Variants in PAK6 observed in about 807,000 individuals in gnomAD.
PAK6 encodes the protein serine/threonine-protein kinase PAK 6.
In PAK6, 33 loss-of-function variants were observed where a neutral mutation model predicts 60.8. That is an observed-to-expected ratio of 0.54 (90% CI 0.41 to 0.73). The LOEUF is 0.73. Ranked by LOEUF, PAK6 falls within the 30% of genes least tolerant of loss-of-function variation. PAK6 has a pLI of 0.00. For missense variants in PAK6, 845 were observed against 904.1 expected, an observed-to-expected ratio of 0.93 and a Z score of 0.84; for synonymous variants, 404 against 378.5, an observed-to-expected ratio of 1.07 and a Z score of -0.78.
chr15:40,261,168 G>A lies in PAK6; in HGVS notation c.-5-3613G>A, dbSNP rs573478393. 1.8e-4 allele frequency among the ~76,000 whole-genome samples: 28 copies of A among 151,898 alleles called. No homozygotes were observed. The South Asian group carries it at 3.7e-3, about 20-fold the overall frequency. On this transcript the variant is annotated intron_variant, in intron 3 of 10. Transcript: ENST00000560346. ...CTCCCAAAGTGCTGGGATTACAGGC[G>A]TGAGCCACCGCGCCTGGCCCTTTTT...
intron 5 of PAK6, among the ~76,000 whole-genome samples, chr15:40,267,826 T>C (rs953979441): frequency 1.4e-4 from 22 of 152,148 alleles, no homozygotes; most frequent in African/African-American, 5.3e-4. Context: ...CTGGGGAGAC[T>C]CAGCCAGAAA....
exon 11 of PAK6, chr15:40,276,758 G>A (rs1318957309): frequency 1.2e-5 from 1 of 82,380 alleles, no homozygotes; most frequent in East Asian, 7.2e-4. Flanking sequence ...TCGTGTGTGT[G>A]TGTGTGTGTG....
At chr15:40,249,559 A>T (rs2038602938) in intron 2 of PAK6, among the ~76,000 whole-genome samples, 1 of 152,234 alleles carries the variant, frequency 6.6e-6, no homozygotes, top group South Asian at 2.1e-4. Flanking sequence ...GGGAGGGCTG[A>T]GTCGCCCAGA....
chr15:40,277,448 A>C (rs1013865226), exon 11 of PAK6: 4 of 152,496 alleles, frequency 2.6e-5, no homozygotes, highest in Admixed American at 6.5e-5. Context: ...AATTGTTTGC[A>C]CTTGTGCCTG....
chr15:40,272,501 G>C (rs139850733), exon 6 of PAK6: 8 of 1,613,748 alleles, frequency 5.0e-6, no homozygotes, highest in Non-Finnish European at 6.8e-6. Flanking sequence ...GCCCTGGCTG[G>C]TGAGGACACA....
intron 2 of PAK6, among the ~76,000 whole-genome samples, chr15:40,243,971 C>A (rs1321378938): frequency 6.6e-6 from 1 of 152,192 alleles, no homozygotes; most frequent in Non-Finnish European, 1.5e-5. Flanking sequence ...GGTGATGTGG[C>A]AGGCAGAGGG....
chr15:40,265,669 C>T (rs3743131), intron 4 of PAK6, among the ~76,000 whole-genome samples, 173 bp from the exon 5 acceptor site: 17,328 of 152,198 alleles, frequency 0.11, 1,193 homozygotes, highest in African/African-American at 0.19. Flanking sequence ...GCGGGACCCA[C>T]GGTGGGCCCT....
chr15:40,266,608 G>A lies in PAK6; in HGVS notation c.858+113G>A, dbSNP rs565536563. The A allele has an allele frequency of 1.7e-4, 183 of 1,071,446 alleles. No individual in the cohort carries two copies. The African/African-American group carries it at 2.5e-3, about 15-fold the overall frequency. 66.4% of individuals were successfully genotyped at this position (1,071,446 alleles called of 1,614,324 possible). The stretch of plus-strand genomic sequence containing the variant: ...CAAAGAGGCTCCCTGGACTGCTTCC[G>A]CCTAAGGCGGCAGAAATGTGCACGG... On this transcript the variant is annotated intron_variant, in intron 5 of 10. Coordinates refer to ENST00000560346, the Ensembl canonical transcript of PAK6.
intron 3 of PAK6, among the ~76,000 whole-genome samples, chr15:40,261,859 C>A (rs1301636666): frequency 2.0e-5 from 3 of 152,176 alleles, no homozygotes; most frequent in Non-Finnish European, 4.4e-5. Flanking sequence ...TCTGGGCTGT[C>A]CTTCTTTCTT....
At chr15:40,240,658 C>T (rs1465824455) in exon 2 of PAK6, 4 of 452,416 alleles carry the variant, frequency 8.8e-6, no homozygotes, top group South Asian at 1.6e-5. Flanking sequence ...CGCAGGACCC[C>T]GCTGCCCAGA....
At chr15:40,248,738 C>T (rs937887988) in intron 2 of PAK6, among the ~76,000 whole-genome samples, 2 of 152,174 alleles carry the variant, frequency 1.3e-5, no homozygotes, top group Admixed American at 6.5e-5. Flanking sequence ...TACCCGCACC[C>T]CAGCCCTCTT....
chr15:40,255,597 C>T (rs1454145062), intron 3 of PAK6, among the ~76,000 whole-genome samples: 1 of 152,236 alleles, frequency 6.6e-6, no homozygotes, highest in Non-Finnish European at 1.5e-5. Flanking sequence ...ATGAAATTTC[C>T]TTCCCCCGTG....
At chr15:40,253,322 C>A (rs1387909008) in intron 3 of PAK6, 33 bp downstream of exon 3, 1 of 453,806 alleles carries the variant, frequency 2.2e-6, no homozygotes, top group Non-Finnish European at 4.4e-6. Context: ...GCCCTAGAGC[C>A]TTCTGCACCC....
intron 4 of PAK6, 101 bp downstream of exon 4, chr15:40,265,090 ACAGCTAT>A (rs2039085418): frequency 1.9e-6 from 2 of 1,036,866 alleles, no homozygotes; most frequent in Non-Finnish European, 1.4e-6. Context: ...CACCTACTTC[ACAGCTAT>A]CAGTTAATCA....
chr15:40,252,805 G>A (rs2038720520), intron 2 of PAK6: 2 of 1,297,288 alleles, frequency 1.5e-6, no homozygotes, highest in Non-Finnish European at 2.0e-6. Flanking sequence ...GGCGCCAGGC[G>A]AGGGGCCTTG....
chr15:40,247,039 C>G (rs1391090916), intron 2 of PAK6: 3 of 152,402 alleles, frequency 2.0e-5, no homozygotes, highest in Admixed American at 6.5e-5. Flanking sequence ...GGCCTGGGCC[C>G]TCACCTAGTC....
exon 5 of PAK6, chr15:40,266,143 T>C: frequency 3.7e-6 from 6 of 1,609,632 alleles, no homozygotes; most frequent in Non-Finnish European, 5.1e-6. Flanking sequence ...CCACGGGTCC[T>C]GCCCAATGGG....
chr15:40,254,665 G>A (rs1387121600), intron 3 of PAK6, among the ~76,000 whole-genome samples: 2 of 152,188 alleles, frequency 1.3e-5, no homozygotes, highest in Admixed American at 1.3e-4. Context: ...ACTTCTCTGG[G>A]CACTGGGCAT....
At chr15:40,248,683 G>A (rs527283611) in intron 2 of PAK6, among the ~76,000 whole-genome samples, 41 of 152,330 alleles carry the variant, frequency 2.7e-4, no homozygotes, top group Middle Eastern at 3.4e-3. Context: ...AGTGCCATGT[G>A]GGGGTCCTCG....
Sources: allele counts gnomAD v4.1 joint callset (sites outside exome capture counted in the v4.1 genomes callset), GRCh38; gene constraint gnomAD v4.1.1; transcripts MANE v1.5; gene names NCBI Gene and HGNC (gene_info 2026-07-23, HGNC 2026-07-21).